Variants in SHTN1 observed in about 807,000 individuals in gnomAD.
SHTN1 encodes the protein shootin-1.
Under a neutral mutation model 83.1 loss-of-function variants are expected in SHTN1, and 42 were observed. That is an observed-to-expected ratio of 0.51 (90% confidence interval 0.39 to 0.65). The LOEUF is 0.65. Ranked by LOEUF, SHTN1 falls within the 30% of genes least tolerant of loss-of-function variation. The pLI is 0.00. For missense variants in SHTN1, 622 were observed against 737.8 expected (o/e 0.84, Z 1.82); for synonymous variants, 224 against 247.7 (o/e 0.90, Z 0.90).
chr10:117,005,026 C>T lies in SHTN1; in HGVS notation c.54G>A (p.Glu18=), dbSNP rs759026226. 14 of 1,596,022 alleles carry T rather than the reference C, an allele frequency of 8.8e-6. No homozygotes were observed. The South Asian group carries it at 1.4e-4, about 16-fold the overall frequency. ...KQLQLITSLK[E]QAIGEYEDLR... is the part of the protein sequence containing the mutation. ...TGGCGCCCGCGTGCTGCCTACCTTG[C>T]TCCTTCAGACTGGTAATGAGCTGCA... Residue 18 remains glutamate, a synonymous_variant, in exon 1 of 17, where the codon GAG becomes GAA. Transcript: ENST00000355371.
rs368423272 is a variant in SHTN1 at position 116,946,681 on chromosome 10, A to T, written c.617-1663T>A. 1.6e-3 allele frequency among the ~76,000 whole-genome samples: 227 copies of T among 143,666 alleles called. 7 individuals are homozygous for T. Among genetic ancestry groups the T allele is most frequent in the South Asian group, 3.9e-3 (18 of 4,574 alleles). The allele number at this position is 143,666 out of a possible 152,430, so 94.3% of individuals were successfully genotyped here. A position where few individuals can be genotyped will look rare whatever the true frequency, so the allele number is the denominator to read the frequency against. ...TATATATAAATATATAAAATGATTT[A>T]TATATATAATATATATATATGTTTT... On this transcript the variant is annotated intron_variant, in intron 7 of 16. Coordinates refer to ENST00000355371, the MANE Select transcript of SHTN1 (RefSeq NM_001127211.3).
At chr10:116,927,643 A>G (rs1358437336) in intron 11 of SHTN1, 149 bp downstream of exon 11, 1 of 1,034,076 alleles carries the variant, frequency 9.7e-7, no homozygotes, top group Non-Finnish European at 1.3e-6. Context: ...TTGGGTGGGG[A>G]CACAACCAAA....
chr10:116,930,292 TTG>T (rs1411674445), intron 9 of SHTN1, among the ~76,000 whole-genome samples: 1 of 152,062 alleles, frequency 6.6e-6, no homozygotes, highest in Non-Finnish European at 1.5e-5. Flanking sequence ...TATAGGTAAA[TTG>T]TGTGTCACAG....
intron 1 of SHTN1, among the ~76,000 whole-genome samples, chr10:116,995,206 T>C (rs1851585064): frequency 6.6e-6 from 1 of 152,108 alleles, no homozygotes; most frequent in South Asian, 2.1e-4. Flanking sequence ...GCAATTATAA[T>C]CCTAAAGTTT....
chr10:116,919,000 T>C (rs1023339319), intron 12 of SHTN1, among the ~76,000 whole-genome samples: 1 of 152,200 alleles, frequency 6.6e-6, no homozygotes. Context: ...AATGAAGTTT[T>C]TAGAGCCATA....
At chr10:116,953,771 G>A (rs1047863596) in intron 5 of SHTN1, among the ~76,000 whole-genome samples, 1 of 151,888 alleles carries the variant, frequency 6.6e-6, no homozygotes, top group African/African-American at 2.4e-5. Flanking sequence ...GGGATTACAG[G>A]CACCTGCCAC....
intron 9 of SHTN1, among the ~76,000 whole-genome samples, chr10:116,931,232 T>C (rs1564883004): frequency 1.3e-5 from 2 of 152,104 alleles, no homozygotes. Context: ...AAGTGGTTTT[T>C]TGTTTTGTTT....
chr10:117,101,608 CA>C lies in SHTN1; in HGVS notation c.-189+24698del, dbSNP rs564461802. On this transcript the variant is annotated intron_variant, in intron 1 of 17. Transcript: ENST00000392901. ...CTTCTATGGTCTCATGAGGACAGAA[CA>C]GGGGTCAGTGGGTAAAAGTGTGGAA... is the stretch of plus-strand genomic sequence containing the variant. Among the ~76,000 whole-genome samples, 112 of 152,266 alleles carry C rather than the reference CA, an allele frequency of 7.4e-4. 2 individuals carry two copies. The South Asian group carries it at 0.022, about 30-fold the overall frequency.
chr10:116,954,519 T>C (rs888449607), intron 4 of SHTN1, among the ~76,000 whole-genome samples: 3 of 152,186 alleles, frequency 2.0e-5, no homozygotes, highest in African/African-American at 4.8e-5. Context: ...TTAATAGTCT[T>C]AAAAAAGGCA....
chr10:116,984,481 A>C (rs553734278), intron 1 of SHTN1, among the ~76,000 whole-genome samples: 1 of 152,226 alleles, frequency 6.6e-6, no homozygotes, highest in East Asian at 1.9e-4. Context: ...AAGTGAGCTC[A>C]TCAATTTCCC....
intron 11 of SHTN1, among the ~76,000 whole-genome samples, chr10:116,926,010 ACT>A (rs1022723544): frequency 7.9e-5 from 12 of 151,968 alleles, no homozygotes; most frequent in African/African-American, 1.7e-4. Context: ...CAAAAAAAAA[ACT>A]CTTTTCTTTA....
chr10:116,932,046 A>G (rs1203745842), intron 9 of SHTN1, among the ~76,000 whole-genome samples: 1 of 152,238 alleles, frequency 6.6e-6, no homozygotes, highest in East Asian at 1.9e-4. Context: ...AGCGACATGC[A>G]TTCAATACAA....
At chr10:117,098,852 A>G (rs1853545459) in intron 1 of SHTN1, among the ~76,000 whole-genome samples, 1 of 152,162 alleles carries the variant, frequency 6.6e-6, no homozygotes, top group Non-Finnish European at 1.5e-5. Flanking sequence ...ATTCTTAGAA[A>G]CAGACCAGCC....
intron 1 of SHTN1, among the ~76,000 whole-genome samples, chr10:116,995,932 T>C (rs1851611800): frequency 6.6e-6 from 1 of 152,124 alleles, no homozygotes; most frequent in South Asian, 2.1e-4. Flanking sequence ...AGGCACAATC[T>C]GATGTTGAGT....
chr10:117,006,565 CA>C (rs35193104), upstream of SHTN1, among the ~76,000 whole-genome samples: 51,701 of 92,902 alleles, frequency 0.56, 11,296 homozygotes, highest in Middle Eastern at 0.65. Flanking sequence ...GACTCCGTCT[CA>C]AAAAAAAAAA....
intron 1 of SHTN1, among the ~76,000 whole-genome samples, chr10:116,986,666 G>A (rs1183305170): frequency 6.7e-6 from 1 of 150,172 alleles, no homozygotes; most frequent in East Asian, 2.0e-4. Context: ...AGAATCATTT[G>A]AGCTCAGGAG....
chr10:117,074,857 G>A (rs72833449), intron 1 of SHTN1, among the ~76,000 whole-genome samples: 8 of 152,142 alleles, frequency 5.3e-5, no homozygotes, highest in Admixed American at 6.5e-5. Flanking sequence ...CAGATAGCAG[G>A]TACTCTCTAC....
intron 6 of SHTN1, among the ~76,000 whole-genome samples, chr10:116,949,614 T>C (rs1849705962): frequency 6.6e-6 from 1 of 152,154 alleles, no homozygotes; most frequent in Non-Finnish European, 1.5e-5. Context: ...TGTATACATA[T>C]GTAACAAACC....
At chr10:116,927,924 G>C in intron 10 of SHTN1, 33 bp from the exon 11 acceptor site, 1 of 1,608,664 alleles carries the variant, frequency 6.2e-7, no homozygotes. Context: ...GAAGAGAGCT[G>C]AAATAAGCAA....
Sources: allele counts gnomAD v4.1 joint callset (sites outside exome capture counted in the v4.1 genomes callset), GRCh38; gene constraint gnomAD v4.1.1; transcripts MANE v1.5; gene names NCBI Gene and HGNC (gene_info 2026-07-23, HGNC 2026-07-21).